Variants in PREX2 observed in about 807,000 individuals in gnomAD.
PREX2 encodes phosphatidylinositol-3,4,5-trisphosphate dependent Rac exchange factor 2.
PREX2 carries 107 observed loss-of-function variants against 203.2 expected under a neutral mutation model. The observed-to-expected ratio is 0.53, with a 90% CI of 0.45 to 0.62. The LOEUF (loss-of-function observed/expected upper bound fraction) is 0.62. Among genes scored for constraint, PREX2 ranks in the 20% least tolerant of loss-of-function variants. The probability of loss-of-function intolerance (pLI) is 0.00; values close to 1 mark genes in which losing one functional copy is unlikely to be tolerated. For missense variants in PREX2, 1,777 were observed against 1,955.9 expected (o/e 0.91, Z 1.72); for synonymous variants, 672 against 663.6 (o/e 1.01, Z -0.19).
At chr8:68,005,250 C>T (rs1208341814) in intron 1 of PREX2, among the ~76,000 whole-genome samples, 2 of 152,136 alleles carry the variant, frequency 1.3e-5, no homozygotes, top group Non-Finnish European at 2.9e-5. Context: ...CATGAACAAA[C>T]CCTGCCAGCA....
At chr8:68,146,168 C>A (rs1170520293) in intron 33 of PREX2, 41 bp from the exon 34 acceptor site, 3 of 1,418,870 alleles carry the variant, frequency 2.1e-6, no homozygotes, top group Non-Finnish European at 2.9e-6. Context: ...TCTAGCATAT[C>A]CTTATTTTAG....
At chr8:68,108,507 G>A (rs1265291630) in intron 24 of PREX2, among the ~76,000 whole-genome samples, 176 bp downstream of exon 24, 1 of 152,216 alleles carries the variant, frequency 6.6e-6, no homozygotes, top group Non-Finnish European at 1.5e-5. Context: ...TATACTGAAT[G>A]AAAATGGAGT....
intron 14 of PREX2, among the ~76,000 whole-genome samples, chr8:68,073,719 C>G (rs6991744): frequency 0.52 from 79,339 of 151,896 alleles, 20,761 homozygotes; most frequent in South Asian, 0.56. Flanking sequence ...GTCATTCGAG[C>G]TGATTTCTAT....
At chr8:67,980,157 G>T (rs530688111) in intron 1 of PREX2, among the ~76,000 whole-genome samples, 86 of 152,270 alleles carry the variant, frequency 5.6e-4, no homozygotes, top group African/African-American at 1.9e-3. Flanking sequence ...GAAAGGTTTG[G>T]CATATTCAGA....
Position 68,185,047 on chromosome 8 carries a change from G to A in PREX2, c.4347-6675G>A, listed in dbSNP as rs187266110. ...CTCAGACTCCTTTACTCTGTCTCAC[G>A]GCAAACATCAGTTCCCTATTTATAT... On this transcript the variant is annotated intron_variant, in intron 35 of 39. Transcript: ENST00000288368. 4.9e-4 allele frequency among the ~76,000 whole-genome samples: 74 copies of A among 152,108 alleles called. No homozygotes were observed. In the Middle Eastern group the frequency reaches 0.01, roughly 21 times the overall value.
At chr8:68,035,450 A>G (rs1284795230) in intron 6 of PREX2, among the ~76,000 whole-genome samples, 2 of 152,042 alleles carry the variant, frequency 1.3e-5, no homozygotes, top group Non-Finnish European at 2.9e-5. Flanking sequence ...CTTTTCCAAG[A>G]TTGTAATTTC....
intron 38 of PREX2, among the ~76,000 whole-genome samples, chr8:68,221,537 T>C (rs780690131): frequency 1.1e-4 from 16 of 152,194 alleles, no homozygotes; most frequent in Non-Finnish European, 1.9e-4. Flanking sequence ...GACCAATCAA[T>C]TATTAACTAA....
At chr8:68,104,721 G>A (rs1048301268) in intron 23 of PREX2, among the ~76,000 whole-genome samples, 2 of 152,126 alleles carry the variant, frequency 1.3e-5, no homozygotes, top group Admixed American at 6.5e-5. Flanking sequence ...GTAACCTCCC[G>A]GAAGACAGGA....
At chr8:68,201,196 G>A (rs1812493900) in intron 37 of PREX2, among the ~76,000 whole-genome samples, 1 of 151,978 alleles carries the variant, frequency 6.6e-6, no homozygotes, top group African/African-American at 2.4e-5. Context: ...TCTAATAAGT[G>A]ACGTAAGATA....
At chr8:68,007,703 A>G (rs1807136231) in intron 1 of PREX2, among the ~76,000 whole-genome samples, 1 of 151,978 alleles carries the variant, frequency 6.6e-6, no homozygotes, top group Admixed American at 6.6e-5. Flanking sequence ...TCCGCCTCCT[A>G]GGTTCATACC....
Position 67,996,291 on chromosome 8 carries a change from G to A in PREX2, c.142-21555G>A, listed in dbSNP as rs563856574. ...GCTCACTGCAGCCTCAACCTCCCAG[G>A]TTCAAATGATCTTCCTTCCTTTGCC... On this transcript the variant is annotated intron_variant, in intron 1 of 39. Coordinates refer to ENST00000288368, the MANE Select transcript of PREX2 (RefSeq NM_024870.4). Among the ~76,000 whole-genome samples, 41 of 152,122 alleles carry A rather than the reference G, an allele frequency of 2.7e-4. No homozygotes were observed. The South Asian group carries it at 7.3e-3, about 27-fold the overall frequency.
intron 8 of PREX2, among the ~76,000 whole-genome samples, chr8:68,047,506 TACAC>T (rs371987261): frequency 0.022 from 1,193 of 54,768 alleles, 45 homozygotes; most frequent in African/African-American, 0.17. Flanking sequence ...TATATATATA[TACAC>T]ATACATATAT....
intron 1 of PREX2, among the ~76,000 whole-genome samples, chr8:67,953,586 C>T (rs557317908): frequency 6.6e-6 from 1 of 152,208 alleles, no homozygotes; most frequent in African/African-American, 2.4e-5. Context: ...GAAAATATTT[C>T]AGGTGCCAAA....
At chr8:68,060,650 T>G in intron 10 of PREX2, 29 bp from the exon 11 acceptor site, 1 of 1,541,032 alleles carries the variant, frequency 6.5e-7, no homozygotes, top group Non-Finnish European at 8.9e-7. Flanking sequence ...AATTAACCGT[T>G]TAGCTTTTTC....
At chr8:68,035,487 G>A (rs1026806916) in intron 6 of PREX2, among the ~76,000 whole-genome samples, 3 of 152,094 alleles carry the variant, frequency 2.0e-5, no homozygotes, top group Non-Finnish European at 4.4e-5. Context: ...ATACATATAT[G>A]TGGTTAAACA....
At chr8:68,193,255 A>G (rs1812331767) in intron 37 of PREX2, among the ~76,000 whole-genome samples, 1 of 152,222 alleles carries the variant, frequency 6.6e-6, no homozygotes. Context: ...AGAGAATTTT[A>G]GTCCTTGTTT....
chr8:67,952,639 G>T, intron 1 of PREX2, 104 bp downstream of exon 1: 1 of 1,470,568 alleles, frequency 6.8e-7, no homozygotes, highest in Non-Finnish European at 9.3e-7. Context: ...CGGGGACCCG[G>T]GACGGGTCGG....
chr8:68,191,785 T>G lies in PREX2; in HGVS notation c.4410T>G (p.Asp1470Glu), dbSNP rs764927710. 1.9e-5 allele frequency: 31 copies of G among 1,597,302 alleles called. No homozygotes were observed. Among genetic ancestry groups the G allele is most frequent in the Non-Finnish European group, 2.7e-5 (31 of 1,165,122 alleles). Residue 1470 changes from aspartate to glutamate, a missense_variant, in exon 36 of 40, where the codon GAT (aspartate) becomes GAG (glutamate). Coordinates refer to ENST00000288368, the MANE Select transcript of PREX2 (RefSeq NM_024870.4). ...CCACATCCAAAGCTGCCTATGTAGA[T>G]AAGGTAAAAACAGATGATTATATTT... ...PNSTSKAAYV[D>E]KLMRPLNALD...
At chr8:68,157,682 A>G (rs1051600389) in intron 35 of PREX2, among the ~76,000 whole-genome samples, 4 of 152,056 alleles carry the variant, frequency 2.6e-5, no homozygotes, top group African/African-American at 9.7e-5. Context: ...AGATAAAGAG[A>G]AGGGGTTAAA....
Sources: gnomAD v4.1 joint callset for allele counts (sites outside exome capture counted in the v4.1 genomes callset) on GRCh38, gnomAD v4.1.1 for gene constraint, MANE v1.5 for transcripts, NCBI Gene and HGNC (gene_info 2026-07-23, HGNC 2026-07-21) for gene names.